Variants in CCDC192 observed in about 807,000 individuals in gnomAD.
CCDC192 encodes the protein coiled-coil domain containing 192, also known as coiled-coil domain-containing protein 192.
intron 6 of CCDC192, among the ~76,000 whole-genome samples, chr5:127,938,387 A>G (rs1452960520): frequency 3.9e-5 from 6 of 152,134 alleles, no homozygotes; most frequent in South Asian, 2.1e-4. Flanking sequence ...CTGTGTGCCA[A>G]TGCTTGAGGA....
intron 6 of CCDC192, among the ~76,000 whole-genome samples, chr5:127,881,674 T>C (rs1752357693): frequency 6.6e-6 from 1 of 152,230 alleles, no homozygotes; most frequent in Non-Finnish European, 1.5e-5. Flanking sequence ...TTTAAGTCGA[T>C]GGAAAGTTCA....
intron 2 of CCDC192, among the ~76,000 whole-genome samples, chr5:127,738,155 G>T (rs1357265434): frequency 6.6e-6 from 1 of 151,620 alleles, no homozygotes; most frequent in Non-Finnish European, 1.5e-5. Context: ...GCATTTGCTT[G>T]TCTGTAAAGT....
intron 5 of CCDC192, among the ~76,000 whole-genome samples, chr5:127,866,139 G>A (rs1751603354): frequency 6.6e-6 from 1 of 152,042 alleles, no homozygotes; most frequent in Non-Finnish European, 1.5e-5. Flanking sequence ...CTGCAGCTCA[G>A]CAATGCTACG....
chr5:127,868,333 T>C (rs76754073), intron 5 of CCDC192, among the ~76,000 whole-genome samples: 2,818 of 152,228 alleles, frequency 0.019, 108 homozygotes, highest in African/African-American at 0.065. Flanking sequence ...AATCAGAAAA[T>C]CTGGCTCTGA....
At chr5:127,931,580 T>C (rs1754030125) in intron 6 of CCDC192, among the ~76,000 whole-genome samples, 1 of 152,188 alleles carries the variant, frequency 6.6e-6, no homozygotes, top group Non-Finnish European at 1.5e-5. Context: ...AGCCAAATCT[T>C]GGTTCACCAT....
intron 6 of CCDC192, among the ~76,000 whole-genome samples, chr5:127,904,437 A>G (rs541151929): frequency 6.6e-6 from 1 of 151,120 alleles, no homozygotes; most frequent in African/African-American, 2.4e-5. Context: ...TTCTTAGCAC[A>G]TGGTTTGTAC....
intron 6 of CCDC192, among the ~76,000 whole-genome samples, chr5:127,937,220 A>C (rs1467602020): frequency 6.6e-6 from 1 of 152,138 alleles, no homozygotes; most frequent in Non-Finnish European, 1.5e-5. Flanking sequence ...ATACATGAGA[A>C]CAGTACAATG....
intron 5 of CCDC192, among the ~76,000 whole-genome samples, chr5:127,842,086 T>C (rs1238071297): frequency 1.3e-5 from 2 of 152,202 alleles, no homozygotes; most frequent in East Asian, 3.8e-4. Flanking sequence ...TGCCAGCTCC[T>C]CTGAATTTTC....
At chr5:127,723,878 C>CA (rs1461786518) in intron 2 of CCDC192, among the ~76,000 whole-genome samples, 1 of 152,192 alleles carries the variant, frequency 6.6e-6, no homozygotes, top group Non-Finnish European at 1.5e-5. Context: ...CCCAGGTCTT[C>CA]ATGTCAATAG....
chr5:127,800,400 A>AAAAAAAAAAAAAT (rs1554076204), intron 5 of CCDC192, among the ~76,000 whole-genome samples: 1 of 79,058 alleles, frequency 1.3e-5, no homozygotes, highest in Non-Finnish European at 2.5e-5. Flanking sequence ...AAAAAAAAAA[A>AAAAAAAAAAAAAT]ACAACAACAA....
At chr5:127,818,143 A>AC (rs1749116177) in intron 5 of CCDC192, among the ~76,000 whole-genome samples, 1 of 144,492 alleles carries the variant, frequency 6.9e-6, no homozygotes, top group East Asian at 1.9e-4. Flanking sequence ...ATATTTACAT[A>AC]TTTTTTTGCT....
At chr5:127,820,842 G>A (rs1484227398) in intron 5 of CCDC192, among the ~76,000 whole-genome samples, 1 of 151,940 alleles carries the variant, frequency 6.6e-6, no homozygotes, top group South Asian at 2.1e-4. Flanking sequence ...GACTTTAAAT[G>A]ATATAATCGT....
At chr5:127,815,415 A>G (rs559544970) in intron 5 of CCDC192, among the ~76,000 whole-genome samples, 1 of 152,250 alleles carries the variant, frequency 6.6e-6, no homozygotes, top group South Asian at 2.1e-4. Flanking sequence ...GGGTCTGTCC[A>G]TTGGCACATT....
rs1266961300 is a variant in CCDC192 at position 127,776,811 on chromosome 5, CA to C, written c.223-20290del. On this transcript the variant is annotated intron_variant, in intron 3 of 6. Transcript: ENST00000514853. ...CTGTGGCTTCAGAGGGTGCAAGCTC[CA>C]AGCCTTGGCAGCTTCCACATGGTGT... Among the ~76,000 whole-genome samples the C allele has an allele frequency of 1.2e-3, 182 of 152,336 alleles. 1 individual carries two copies. Among genetic ancestry groups the C allele is most frequent in the African/African-American group, 4.1e-3 (171 of 41,580 alleles).
At chr5:127,938,626 C>A (rs1754253172) in intron 6 of CCDC192, among the ~76,000 whole-genome samples, 1 of 152,194 alleles carries the variant, frequency 6.6e-6, no homozygotes, top group South Asian at 2.1e-4. Context: ...TTTAAAAATA[C>A]ATTTTCTTTA....
intron 5 of CCDC192, among the ~76,000 whole-genome samples, chr5:127,815,110 G>A (rs1342074687): frequency 6.6e-6 from 1 of 152,062 alleles, no homozygotes; most frequent in Non-Finnish European, 1.5e-5. Flanking sequence ...TAAGACTCTA[G>A]GCTGGTGTTT....
chr5:127,730,752 A>T (rs895560267), intron 2 of CCDC192, among the ~76,000 whole-genome samples: 10 of 152,156 alleles, frequency 6.6e-5, no homozygotes, highest in Non-Finnish European at 1.2e-4. Flanking sequence ...CATAAACAGA[A>T]CTAAAGACAA....
chr5:127,797,731 G>GTATA (rs146458343), intron 4 of CCDC192, among the ~76,000 whole-genome samples: 43 of 20,972 alleles, frequency 2.1e-3, no homozygotes, highest in South Asian at 4.7e-3. Context: ...TCATGTGAAG[G>GTATA]TATATATATA....
chr5:127,910,973 A>G (rs962924883), intron 6 of CCDC192, among the ~76,000 whole-genome samples: 2 of 152,202 alleles, frequency 1.3e-5, no homozygotes, highest in Non-Finnish European at 2.9e-5. Flanking sequence ...CTTCCTCTGA[A>G]TGACTTATAT....
Sources: allele counts gnomAD v4.1 joint callset (sites outside exome capture counted in the v4.1 genomes callset), GRCh38; gene constraint gnomAD v4.1.1; transcripts MANE v1.5; gene names NCBI Gene and HGNC (gene_info 2026-07-23, HGNC 2026-07-21).